Variants in GLG1 observed in about 807,000 individuals in gnomAD.
GLG1 encodes the protein Golgi apparatus protein 1.
GLG1 carries 38 observed loss-of-function variants against 160.5 expected under a neutral mutation model. The ratio of observed to expected loss-of-function variants is 0.24; its 90% CI spans 0.18 to 0.31. GLG1 has a LOEUF of 0.31. GLG1 is among the 10% of genes least tolerant of loss of function. The pLI is 1.00. For missense variants in GLG1, 1,373 were observed against 1,505.2 expected (o/e 0.91, Z 1.45); for synonymous variants, 644 against 543.4 (o/e 1.19, Z -2.57).
intron 2 of GLG1, among the ~76,000 whole-genome samples, chr16:74,523,936 C>T (rs948420712): frequency 1.4e-4 from 22 of 152,016 alleles, no homozygotes; most frequent in Non-Finnish European, 2.9e-4. Context: ...ATAGGCCAGG[C>T]GCGGTGGCTC....
At chr16:74,596,203 C>T (rs1330537115) in intron 1 of GLG1, among the ~76,000 whole-genome samples, 2 of 152,004 alleles carry the variant, frequency 1.3e-5, no homozygotes, top group Admixed American at 6.6e-5. Flanking sequence ...GCCTGGGCAA[C>T]AGAGCGAGAC....
At chr16:74,483,476 G>C (rs945439126) in intron 9 of GLG1, among the ~76,000 whole-genome samples, 1 of 152,020 alleles carries the variant, frequency 6.6e-6, no homozygotes, top group Admixed American at 6.6e-5. Flanking sequence ...TTTAACTCTA[G>C]GCCTCTTTGC....
Position 74,450,423 on chromosome 16 carries a change from C to T in GLG1, c.*2744G>A, listed in dbSNP as rs985384536. On this transcript the variant is annotated 3_prime_UTR_variant, in exon 26 of 26. Coordinates refer to ENST00000422840, the MANE Select transcript of GLG1 (RefSeq NM_001145667.2). ...GCCTTGGCACTTAGAAAAACTTGCT[C>T]GGGGCCCTGCCTGGGGCTCTCAAGA... The T allele has an allele frequency of 6.6e-6, 1 of 152,198 alleles. No homozygotes were observed. The highest frequency in any genetic ancestry group is 1.5e-5 in the Non-Finnish European group (1 of 68,044). 9.4% of individuals were successfully genotyped at this position (152,198 alleles called of 1,614,324 possible).
At chr16:74,548,563 T>C (rs551667082) in intron 1 of GLG1, among the ~76,000 whole-genome samples, 8 of 152,358 alleles carry the variant, frequency 5.3e-5, no homozygotes, top group African/African-American at 1.4e-4. Context: ...AAAAACAGCT[T>C]ACTGGGGTCA....
At chr16:74,499,471 T>C (rs138057422) in intron 4 of GLG1, among the ~76,000 whole-genome samples, 3 of 152,296 alleles carry the variant, frequency 2.0e-5, no homozygotes, top group Non-Finnish European at 4.4e-5. Context: ...ACAAATACTA[T>C]ACTTGTGTTA....
chr16:74,574,296 A>T (rs2018924809), intron 1 of GLG1, among the ~76,000 whole-genome samples: 1 of 152,230 alleles, frequency 6.6e-6, no homozygotes, highest in African/African-American at 2.4e-5. Context: ...AGCTAACGCT[A>T]AACAGGTTTT....
At chr16:74,539,773 T>C (rs1236251277) in intron 1 of GLG1, among the ~76,000 whole-genome samples, 1 of 147,682 alleles carries the variant, frequency 6.8e-6, no homozygotes, top group Non-Finnish European at 1.5e-5. Context: ...GATCCATCTC[T>C]CTAGAGAAGA....
At chr16:74,539,983 A>AAT (rs1268555398) in intron 1 of GLG1, among the ~76,000 whole-genome samples, 575 of 2,302 alleles carry the variant, frequency 0.25, 205 homozygotes, top group Middle Eastern at 1. Flanking sequence ...AACAAATACA[A>AAT]ATATATATAT....
At chr16:74,591,229 G>A (rs1248159606) in intron 1 of GLG1, among the ~76,000 whole-genome samples, 2 of 152,028 alleles carry the variant, frequency 1.3e-5, no homozygotes, top group Non-Finnish European at 2.9e-5. Context: ...TACTCAGGAG[G>A]CTGACGCAGA....
intron 1 of GLG1, among the ~76,000 whole-genome samples, chr16:74,542,068 C>G (rs950603048): frequency 6.8e-6 from 1 of 146,228 alleles, no homozygotes; most frequent in Non-Finnish European, 1.5e-5. Flanking sequence ...ATATTTACAT[C>G]CTCTGGGACA....
At chr16:74,578,312 C>T (rs1375582370) in intron 1 of GLG1, among the ~76,000 whole-genome samples, 1 of 152,146 alleles carries the variant, frequency 6.6e-6, no homozygotes, top group Non-Finnish European at 1.5e-5. Flanking sequence ...GCAGCTACTG[C>T]CTTGTCCAAA....
chr16:74,584,888 C>T (rs1958011879), intron 1 of GLG1, among the ~76,000 whole-genome samples: 1 of 148,814 alleles, frequency 6.7e-6, no homozygotes, highest in Non-Finnish European at 1.5e-5. Context: ...TGCACTCCAG[C>T]CTGGCGACAG....
intron 11 of GLG1, among the ~76,000 whole-genome samples, chr16:74,479,899 T>G (rs896652551): frequency 2.0e-5 from 3 of 152,182 alleles, no homozygotes; most frequent in Non-Finnish European, 4.4e-5. Flanking sequence ...AATCCATTTG[T>G]AGCCTGGCTA....
intron 2 of GLG1, among the ~76,000 whole-genome samples, chr16:74,510,030 ACTTTT>A (rs1386585869): frequency 1.3e-5 from 1 of 78,152 alleles, no homozygotes; most frequent in South Asian, 5.3e-4. Context: ...TATAAGGTCT[ACTTTT>A]TTTTTTTTTT....
chr16:74,554,613 T>C (rs557144264), intron 1 of GLG1, among the ~76,000 whole-genome samples: 29 of 152,222 alleles, frequency 1.9e-4, no homozygotes, highest in Non-Finnish European at 1.0e-4. Flanking sequence ...GTCACTTAAA[T>C]TGAGCAGATG....
intron 1 of GLG1, among the ~76,000 whole-genome samples, chr16:74,590,415 C>T (rs954066565): frequency 2.0e-5 from 3 of 151,594 alleles, no homozygotes; most frequent in Non-Finnish European, 2.9e-5. Flanking sequence ...GTCAGGAGTT[C>T]GAGACCAGCC....
intron 1 of GLG1, among the ~76,000 whole-genome samples, chr16:74,567,399 G>A (rs1248898364): frequency 2.0e-5 from 3 of 152,024 alleles, no homozygotes; most frequent in Admixed American, 2.0e-4. Context: ...AAATTGACAG[G>A]TATCTCTTTA....
intron 22 of GLG1, among the ~76,000 whole-genome samples, chr16:74,460,942 G>A (rs748101567): frequency 5.9e-5 from 9 of 152,172 alleles, no homozygotes; most frequent in Admixed American, 2.6e-4. Context: ...GCGCGTACCC[G>A]CACACACACG....
intron 9 of GLG1, 68 bp downstream of exon 9, chr16:74,485,728 G>C (rs2015765102): frequency 1.4e-6 from 2 of 1,448,966 alleles, no homozygotes; most frequent in East Asian, 4.6e-5. Context: ...AAAGTCATTT[G>C]AAGGAATGTT....
Sources: allele counts gnomAD v4.1 joint callset (sites outside exome capture counted in the v4.1 genomes callset), GRCh38; gene constraint gnomAD v4.1.1; transcripts MANE v1.5; gene names NCBI Gene and HGNC (gene_info 2026-07-23, HGNC 2026-07-21).